Variants in ADAMTS14 observed in about 807,000 individuals in gnomAD.
The protein encoded by ADAMTS14 is A disintegrin and metalloproteinase with thrombospondin motifs 14.
A neutral mutation model predicts 128.6 loss-of-function variants in ADAMTS14; 100 were observed. That is an observed-to-expected ratio of 0.78 (90% CI 0.66 to 0.92). The LOEUF is 0.92. Among genes scored for constraint, ADAMTS14 ranks in the 40% least tolerant of loss-of-function variants. The probability of loss-of-function intolerance (pLI) is 0.00; values close to 1 mark genes in which losing one functional copy is unlikely to be tolerated. For missense variants in ADAMTS14, 1,562 were observed against 1,658.6 expected, an observed-to-expected ratio of 0.94 and a Z score of 1.01; for synonymous variants, 665 against 653.8, an observed-to-expected ratio of 1.02 and a Z score of -0.26.
intron 7 of ADAMTS14, among the ~76,000 whole-genome samples, chr10:70,732,860 C>T (rs1841692157): frequency 6.6e-6 from 1 of 152,232 alleles, no homozygotes; most frequent in African/African-American, 2.4e-5. Flanking sequence ...GGCTGGCTTG[C>T]CTGATCTTAG....
At chr10:70,740,525 A>C (rs1341642750) in intron 11 of ADAMTS14, among the ~76,000 whole-genome samples, 1 of 152,162 alleles carries the variant, frequency 6.6e-6, no homozygotes, top group Non-Finnish European at 1.5e-5. Context: ...TCTGATTCCA[A>C]ATCCAAGTTT....
intron 14 of ADAMTS14, 134 bp downstream of exon 14, chr10:70,744,323 T>C: frequency 8.1e-7 from 1 of 1,238,344 alleles, no homozygotes; most frequent in Non-Finnish European, 1.0e-6. Context: ...TCTCCAGGCC[T>C]TCCTGGGCTG....
chr10:70,719,094 G>T (rs939968665), intron 4 of ADAMTS14, among the ~76,000 whole-genome samples: 2 of 152,070 alleles, frequency 1.3e-5, no homozygotes, highest in Non-Finnish European at 2.9e-5. Context: ...CTAGTTGGTA[G>T]AGGCCAGGGA....
At chr10:70,740,930 G>C (rs1841975267) in intron 11 of ADAMTS14, 57 bp from the exon 12 acceptor site, 1 of 1,575,192 alleles carries the variant, frequency 6.3e-7, no homozygotes, top group Admixed American at 1.7e-5. Flanking sequence ...TGGGAAACCT[G>C]GCCCTCCCCA....
intron 4 of ADAMTS14, among the ~76,000 whole-genome samples, chr10:70,718,230 C>T (rs542066588): frequency 1.9e-4 from 29 of 152,284 alleles, no homozygotes; most frequent in African/African-American, 6.0e-4. Context: ...CTCCTTGACA[C>T]GAAGCAGACA....
chr10:70,695,464 TGAATCAGA>T (rs1840306318), intron 2 of ADAMTS14, among the ~76,000 whole-genome samples: 1 of 152,116 alleles, frequency 6.6e-6, no homozygotes, highest in African/African-American at 2.4e-5. Flanking sequence ...TTACCTGCCG[TGAATCAGA>T]GACAACAGCC....
intron 2 of ADAMTS14, among the ~76,000 whole-genome samples, chr10:70,691,087 TGC>T (rs1840171357): frequency 6.9e-6 from 1 of 145,040 alleles, no homozygotes; most frequent in South Asian, 2.2e-4. Context: ...GTGAGGGGTT[TGC>T]AGCAGAAGGC....
At chr10:70,723,628 C>T (rs1026972252) in intron 4 of ADAMTS14, among the ~76,000 whole-genome samples, 3 of 152,218 alleles carry the variant, frequency 2.0e-5, no homozygotes, top group Non-Finnish European at 4.4e-5. Context: ...CTGTGCCAGC[C>T]ATTAGTGGCA....
Position 70,708,762 on chromosome 10 carries a change from T to G in ADAMTS14, c.854T>G (p.Leu285Arg). 1 of 1,371,184 alleles carries G rather than the reference T, an allele frequency of 7.3e-7. No individual in the cohort carries two copies. Among genetic ancestry groups the G allele is most frequent in the African/African-American group, 1.5e-5 (1 of 66,876 alleles). The allele number at this position is 1,371,184 out of a possible 1,614,324, so 84.9% of individuals were successfully genotyped here. Residue 285 changes from leucine (L) to arginine (R), a missense_variant, in exon 4 of 22, where the codon CTC becomes CGC. By Grantham distance (102) the Leu-to-Arg change is moderately radical. Coordinates refer to ENST00000373207, the MANE Select transcript of ADAMTS14 (RefSeq NM_080722.4). ...AAGGAGCATGTGCAGAACTATGTCC[T>G]CACCCTCATGAATATCGTGAGTGTC... ...HGKEHVQNYVLTLMNIVDEIY... is the reference protein window; with the variant it reads ...HGKEHVQNYVRTLMNIVDEIY...
At chr10:70,687,136 G>A (rs1589262349) in intron 2 of ADAMTS14, among the ~76,000 whole-genome samples, 1 of 115,634 alleles carries the variant, frequency 8.6e-6, no homozygotes, top group Admixed American at 7.9e-5. Context: ...GGGGCGGCCG[G>A]GCAGAGGCGC....
At chr10:70,688,892 GGAGGGAGAGGGA>G (rs1564521676) in intron 2 of ADAMTS14, among the ~76,000 whole-genome samples, 517 of 6,486 alleles carry the variant, frequency 0.08, 173 homozygotes, top group Middle Eastern at 0.25. Flanking sequence ...AGGGGGAGGG[GGAGGGAGAGGGA>G]GAGCCTTTGC....
intron 7 of ADAMTS14, 133 bp downstream of exon 7, chr10:70,732,492 C>A (rs1309771503): frequency 8.1e-6 from 6 of 744,992 alleles, no homozygotes; most frequent in Non-Finnish European, 1.1e-5. Context: ...AGCTGGACTG[C>A]CACTGCGGCA....
chr10:70,701,136 GGCT>G (rs1335419875), intron 2 of ADAMTS14, among the ~76,000 whole-genome samples: 1 of 152,218 alleles, frequency 6.6e-6, no homozygotes, highest in African/African-American at 2.4e-5. Context: ...AGAAAAGGTT[GGCT>G]GCTGCTGGAG....
At position 70,696,662 on chromosome 10, in the gene ADAMTS14, C is replaced by T. The variant is rs554346768; in HGVS notation, c.523-5650C>T. ...ATGTCCAGGGTGGTGAGAAGGGAAGCGAGGATGTAAGGATCACACCTTGGA... is the reference window on the plus strand; with the variant it reads ...ATGTCCAGGGTGGTGAGAAGGGAAGTGAGGATGTAAGGATCACACCTTGGA... On this transcript the variant is annotated intron_variant, in intron 2 of 21. Coordinates refer to ENST00000373207, the MANE Select transcript of ADAMTS14 (RefSeq NM_080722.4). Among the ~76,000 whole-genome samples, 14 of 152,138 alleles carry T rather than the reference C, an allele frequency of 9.2e-5. No individual in the cohort carries two copies. The South Asian group carries it at 1.0e-3, about 11-fold the overall frequency.
intron 6 of ADAMTS14, among the ~76,000 whole-genome samples, chr10:70,730,779 G>A (rs780400347): frequency 6.6e-5 from 10 of 152,138 alleles, no homozygotes; most frequent in African/African-American, 2.2e-4. Flanking sequence ...TAAAGGCCCC[G>A]GGGGTGCATG....
intron 2 of ADAMTS14, among the ~76,000 whole-genome samples, chr10:70,699,161 G>A (rs1256028585): frequency 6.6e-6 from 1 of 152,168 alleles, no homozygotes; most frequent in African/African-American, 2.4e-5. Context: ...AAGCAGGCCT[G>A]GGGGCTGAAC....
chr10:70,742,820 C>T (rs1263450500), intron 12 of ADAMTS14, among the ~76,000 whole-genome samples: 2 of 152,198 alleles, frequency 1.3e-5, no homozygotes, highest in African/African-American at 4.8e-5. Flanking sequence ...ATCTATAGCC[C>T]ACATAAAGAA....
At chr10:70,750,442 AC>A (rs1164589337) in intron 16 of ADAMTS14, among the ~76,000 whole-genome samples, 5 of 151,902 alleles carry the variant, frequency 3.3e-5, no homozygotes, top group African/African-American at 4.8e-5. Flanking sequence ...CTCTGCCCAT[AC>A]CCCCCTTCCT....
Position 70,732,325 on chromosome 10 carries a change from T to G in ADAMTS14, c.1174T>G (p.Ser392Ala), listed in dbSNP as rs1210019529. The G allele has an allele frequency of 6.2e-7, 1 of 1,614,040 alleles. No individual in the cohort carries two copies. The highest frequency in any genetic ancestry group is 1.7e-5 in the Admixed American group (1 of 60,002). The change falls in exon 7 of 22, where the codon TCA (serine) becomes GCA (alanine). Residue 392 changes from serine to alanine, a missense_variant. Coordinates refer to ENST00000373207, the MANE Select transcript of ADAMTS14 (RefSeq NM_080722.4). ...CCTCAACCATGAGGATGGCTTCTCC[T>G]CAGCCTTCGTGATAGCTCATGAGAC... is the stretch of plus-strand genomic sequence containing the variant. The part of the protein sequence containing the change: ...CALNHEDGFS[S>A]AFVIAHETGH...
Sources: gnomAD v4.1 joint callset for allele counts (sites outside exome capture counted in the v4.1 genomes callset) on GRCh38, gnomAD v4.1.1 for gene constraint, MANE v1.5 for transcripts, NCBI Gene and HGNC (gene_info 2026-07-23, HGNC 2026-07-21) for gene names.